Variants in EEFSEC observed in about 807,000 individuals in gnomAD.
EEFSEC encodes eukaryotic elongation factor, selenocysteine-tRNA specific.
EEFSEC carries 43 observed loss-of-function variants against 42.1 expected under a neutral mutation model. The ratio of observed to expected loss-of-function variants is 1.02; its 90% CI spans 0.80 to 1.32. The LOEUF (loss-of-function observed/expected upper bound fraction) is 1.32. EEFSEC is among the 40% of genes most tolerant of loss of function. The pLI is 0.00. For synonymous variants in EEFSEC, 354 were observed against 339.1 expected (o/e 1.04, Z -0.48); for missense variants, 745 against 803.6 (o/e 0.93, Z 0.88).
intron 1 of EEFSEC, among the ~76,000 whole-genome samples, chr3:128,192,623 C>T (rs2065537698): frequency 6.6e-6 from 1 of 152,224 alleles, no homozygotes. Flanking sequence ...TTCTTCCCCT[C>T]TCCTATTTAA....
At chr3:128,411,489 C>T (rs1348239480), downstream of EEFSEC, among the ~76,000 whole-genome samples, 4 of 152,236 alleles carry the variant, frequency 2.6e-5, no homozygotes, top group Non-Finnish European at 5.9e-5. Flanking sequence ...CCCACCAGTG[C>T]TTCAGGCGTG....
At chr3:128,291,595 T>C (rs975723346) in intron 4 of EEFSEC, among the ~76,000 whole-genome samples, 20 of 152,366 alleles carry the variant, frequency 1.3e-4, no homozygotes, top group African/African-American at 4.6e-4. Context: ...TATTCTGTTA[T>C]AGCAGCACAA....
intron 1 of EEFSEC, among the ~76,000 whole-genome samples, chr3:128,160,787 TGTGCGCACACACAC>T (rs2065177546): frequency 1.3e-5 from 2 of 152,138 alleles, no homozygotes. Context: ...AATTCCACTG[TGTGCGCACACACAC>T]GCGCGCACAC....
intron 1 of EEFSEC, among the ~76,000 whole-genome samples, chr3:128,241,198 TCTC>T (rs1221832645): frequency 3.6e-5 from 4 of 110,200 alleles, no homozygotes; most frequent in Non-Finnish European, 5.6e-5. Flanking sequence ...TCTCTCTCTC[TCTC>T]TTTTTTTTTT....
intron 3 of EEFSEC, among the ~76,000 whole-genome samples, chr3:128,263,086 T>C (rs985101971): frequency 6.6e-6 from 1 of 152,226 alleles, no homozygotes; most frequent in Non-Finnish European, 1.5e-5. Flanking sequence ...TATAATGTGC[T>C]CGGTACAGTG....
At chr3:128,416,823 A>G in the EEFSEC span, among the ~76,000 whole-genome samples, 1 of 152,154 alleles carries the variant, frequency 6.6e-6, no homozygotes, top group Admixed American at 6.5e-5. Context: ...GGCAATGGAG[A>G]AATGAAGAGA....
At chr3:128,326,293 G>C (rs962035294) in intron 4 of EEFSEC, among the ~76,000 whole-genome samples, 27 of 152,224 alleles carry the variant, frequency 1.8e-4, no homozygotes, top group Non-Finnish European at 8.8e-5. Context: ...CAGGCACTGC[G>C]TGAAGCTTGG....
chr3:128,194,281 G>A (rs1308309588), intron 1 of EEFSEC, among the ~76,000 whole-genome samples: 1 of 152,200 alleles, frequency 6.6e-6, no homozygotes, highest in African/African-American at 2.4e-5. Flanking sequence ...GCTGGAGGGT[G>A]CTGAGCTCCC....
intron 6 of EEFSEC, among the ~76,000 whole-genome samples, chr3:128,371,713 T>C (rs1022024523): frequency 2.6e-5 from 4 of 152,150 alleles, no homozygotes; most frequent in African/African-American, 4.8e-5. Context: ...ATGTCCAGAA[T>C]AGATTCTACC....
At chr3:128,356,200 T>C (rs1469730312) in intron 5 of EEFSEC, among the ~76,000 whole-genome samples, 1 of 152,256 alleles carries the variant, frequency 6.6e-6, no homozygotes, top group Non-Finnish European at 1.5e-5. Context: ...TCTGCTCTGC[T>C]AAGGATACCT....
chr3:128,207,019 C>T (rs1311147782), intron 1 of EEFSEC, among the ~76,000 whole-genome samples: 1 of 152,154 alleles, frequency 6.6e-6, no homozygotes, highest in South Asian at 2.1e-4. Context: ...CTTAAGAGCC[C>T]TAGTTCAAGA....
intron 1 of EEFSEC, among the ~76,000 whole-genome samples, chr3:128,229,487 G>T (rs751069459): frequency 7.9e-5 from 12 of 152,162 alleles, no homozygotes; most frequent in Non-Finnish European, 1.6e-4. Flanking sequence ...AAGAAGGAGT[G>T]GGCTGTCAAA....
At chr3:128,174,074 A>G (rs1481816284) in intron 1 of EEFSEC, among the ~76,000 whole-genome samples, 2 of 152,174 alleles carry the variant, frequency 1.3e-5, no homozygotes, top group African/African-American at 4.8e-5. Context: ...TATTTCTGCC[A>G]CCTGGAGGAG....
chr3:128,231,227 C>T (rs2065956332), intron 1 of EEFSEC, among the ~76,000 whole-genome samples: 2 of 152,126 alleles, frequency 1.3e-5, no homozygotes. Flanking sequence ...CCAATCGAGA[C>T]CTTGATAATT....
At chr3:128,362,854 A>G (rs901796413) in intron 6 of EEFSEC, among the ~76,000 whole-genome samples, 5 of 152,216 alleles carry the variant, frequency 3.3e-5, no homozygotes, top group Non-Finnish European at 7.3e-5. Context: ...CTCATATCTC[A>G]GGCACTTGGT....
At chr3:128,271,699 C>T (rs936775119) in intron 4 of EEFSEC, among the ~76,000 whole-genome samples, 2 of 152,160 alleles carry the variant, frequency 1.3e-5, no homozygotes, top group African/African-American at 4.8e-5. Context: ...CTCTGCAGCA[C>T]CATGGCCACT....
intron 1 of EEFSEC, among the ~76,000 whole-genome samples, chr3:128,190,926 A>AT (rs1285253096): frequency 1.1e-4 from 17 of 152,058 alleles, no homozygotes; most frequent in African/African-American, 2.2e-4. Flanking sequence ...GCCTGGGGGT[A>AT]TTTTTTTTAT....
At chr3:128,206,706 C>T (rs1244326597) in intron 1 of EEFSEC, among the ~76,000 whole-genome samples, 1 of 152,178 alleles carries the variant, frequency 6.6e-6, no homozygotes. Context: ...ACGTTGGTTG[C>T]TCAACATATT....
intron 4 of EEFSEC, among the ~76,000 whole-genome samples, chr3:128,334,530 G>T (rs2067169195): frequency 6.6e-6 from 1 of 152,230 alleles, no homozygotes; most frequent in Admixed American, 6.5e-5. Context: ...TATTTGTTTT[G>T]TGACCTTGGA....
Sources: allele counts gnomAD v4.1 joint callset (sites outside exome capture counted in the v4.1 genomes callset), GRCh38; gene constraint gnomAD v4.1.1; transcripts MANE v1.5; gene names NCBI Gene and HGNC (gene_info 2026-07-23, HGNC 2026-07-21).